Variants in CSTF3 observed in about 807,000 individuals in gnomAD.
CSTF3 encodes the protein CF-1 77 kDa subunit.
Under a neutral mutation model 105.8 loss-of-function variants are expected in CSTF3, and 29 were observed. That is an observed-to-expected ratio of 0.27 (90% CI 0.20 to 0.37). CSTF3 has a LOEUF of 0.37. CSTF3 is among the 10% of genes least tolerant of loss of function. CSTF3 has a pLI of 1.00. For missense variants in CSTF3, 357 were observed against 879.3 expected (o/e 0.41, Z 7.51); for synonymous variants, 252 against 281.9 (o/e 0.89, Z 1.06).
chr11:33,091,277 G>A (rs1052074928), intron 16 of CSTF3, among the ~76,000 whole-genome samples: 4 of 152,166 alleles, frequency 2.6e-5, no homozygotes, highest in Non-Finnish European at 4.4e-5. Context: ...AAAAACTGGT[G>A]CCTCATCGTT....
chr11:33,133,300 G>A (rs923108670), intron 3 of CSTF3, among the ~76,000 whole-genome samples: 1 of 152,122 alleles, frequency 6.6e-6, no homozygotes, highest in African/African-American at 2.4e-5. Context: ...AAATGGAGTG[G>A]ACAGTTGTTA....
chr11:33,122,149 T>C (rs1011882170), intron 3 of CSTF3, among the ~76,000 whole-genome samples: 4 of 152,234 alleles, frequency 2.6e-5, no homozygotes, highest in Non-Finnish European at 5.9e-5. Flanking sequence ...CATTGTTGGA[T>C]AGCAAAGTGT....
intron 8 of CSTF3, among the ~76,000 whole-genome samples, chr11:33,103,842 T>A (rs956881885): frequency 1.4e-4 from 21 of 152,162 alleles, no homozygotes; most frequent in Non-Finnish European, 2.8e-4. Flanking sequence ...CCTTTTCTTT[T>A]TCTTTTTTAT....
chr11:33,094,562 A>G (rs1855199675), intron 15 of CSTF3, among the ~76,000 whole-genome samples: 1 of 152,186 alleles, frequency 6.6e-6, no homozygotes, highest in African/African-American at 2.4e-5. Flanking sequence ...CTTTTAAAAA[A>G]ATAAAAATAC....
chr11:33,091,970 C>T (rs968832758), intron 16 of CSTF3, among the ~76,000 whole-genome samples: 2 of 152,160 alleles, frequency 1.3e-5, no homozygotes, highest in Non-Finnish European at 2.9e-5. Context: ...CCACCTTGGC[C>T]TCCCAAAATG....
chr11:33,097,291 CACT>C (rs946903453), intron 13 of CSTF3, among the ~76,000 whole-genome samples: 1 of 152,126 alleles, frequency 6.6e-6, no homozygotes, highest in African/African-American at 2.4e-5. Context: ...AAAAGTGTGA[CACT>C]ACTAGAACAT....
intron 3 of CSTF3, among the ~76,000 whole-genome samples, chr11:33,124,520 T>C: frequency 6.7e-6 from 1 of 150,096 alleles, no homozygotes; most frequent in South Asian, 2.1e-4. Flanking sequence ...ATAATAAACA[T>C]AAAAATAAAA....
At chr11:33,136,778 G>A (rs573880497) in intron 3 of CSTF3, among the ~76,000 whole-genome samples, 12 of 151,942 alleles carry the variant, frequency 7.9e-5, no homozygotes, top group African/African-American at 2.7e-4. Context: ...ACGTTGCAGC[G>A]TATCTTTAAT....
At chr11:33,087,400 T>C (rs1240839353) in intron 17 of CSTF3, among the ~76,000 whole-genome samples, 3 of 152,170 alleles carry the variant, frequency 2.0e-5, no homozygotes, top group Non-Finnish European at 2.9e-5. Flanking sequence ...GGCAGGACAT[T>C]TGTAGGACAG....
At chr11:33,131,836 A>G (rs1243817289) in intron 3 of CSTF3, among the ~76,000 whole-genome samples, 1 of 152,202 alleles carries the variant, frequency 6.6e-6, no homozygotes, top group African/African-American at 2.4e-5. Context: ...TGGGCTACAG[A>G]GACTCCGTCT....
chr11:33,107,281 G>A (rs577081358), intron 5 of CSTF3, among the ~76,000 whole-genome samples: 2 of 152,238 alleles, frequency 1.3e-5, no homozygotes, highest in East Asian at 3.9e-4. Flanking sequence ...TTGTGCCACT[G>A]CACTCCAGCC....
chr11:33,128,058 T>C (rs1855561749), intron 3 of CSTF3, among the ~76,000 whole-genome samples: 1 of 152,174 alleles, frequency 6.6e-6, no homozygotes, highest in South Asian at 2.1e-4. Flanking sequence ...TGTATGTCAT[T>C]GGATAAGCTA....
intron 3 of CSTF3, among the ~76,000 whole-genome samples, chr11:33,113,383 G>A (rs1223397226): frequency 6.6e-6 from 1 of 152,030 alleles, no homozygotes; most frequent in Non-Finnish European, 1.5e-5. Flanking sequence ...AGGTGTGGTG[G>A]CATATGCCTG....
chr11:33,122,263 T>G (rs552509072), intron 3 of CSTF3, among the ~76,000 whole-genome samples: 1 of 152,326 alleles, frequency 6.6e-6, no homozygotes, highest in Non-Finnish European at 1.5e-5. Flanking sequence ...TCCTTATATA[T>G]AAACTCACTT....
At chr11:33,157,628 T>C (rs1274334872) in intron 1 of CSTF3, among the ~76,000 whole-genome samples, 1 of 152,190 alleles carries the variant, frequency 6.6e-6, no homozygotes. Context: ...TGATTTTGCT[T>C]GTCTGCAATA....
intron 1 of CSTF3, among the ~76,000 whole-genome samples, chr11:33,157,682 A>G (rs975953505): frequency 6.6e-6 from 1 of 152,232 alleles, no homozygotes; most frequent in South Asian, 2.1e-4. Flanking sequence ...CTTAGCACCA[A>G]GAGAAAAATG....
chr11:33,157,086 C>T (rs1418063205), intron 1 of CSTF3, among the ~76,000 whole-genome samples: 1 of 151,930 alleles, frequency 6.6e-6, no homozygotes, highest in Admixed American at 6.6e-5. Flanking sequence ...GGCGCAGTGG[C>T]TCACGCCTGT....
At position 33,084,983 on chromosome 11, in the gene CSTF3, C is replaced by CT. The variant is rs773877462; in HGVS notation, c.*103dup. ...GATAGAGGCACCAATGACAATACAA[C>CT]TTTGTTTCCAAGAACCTTGTAACAA... is the stretch of plus-strand genomic sequence containing the variant. On this transcript the variant is annotated 3_prime_UTR_variant, in exon 21 of 21. Coordinates refer to ENST00000323959, the MANE Select transcript of CSTF3 (RefSeq NM_001326.3). 3.2e-6 allele frequency: 4 copies of CT among 1,267,286 alleles called. No homozygotes were observed. The East Asian group carries it at 7.1e-5, about 22-fold the overall frequency. The allele number at this position is 1,267,286 out of a possible 1,614,324, so 78.5% of individuals were successfully genotyped here. A position where few individuals can be genotyped will look rare whatever the true frequency, so the allele number is the denominator to read the frequency against.
At chr11:33,137,673 TTGAG>T (rs1855669620) in intron 3 of CSTF3, among the ~76,000 whole-genome samples, 1 of 151,798 alleles carries the variant, frequency 6.6e-6, no homozygotes, top group Non-Finnish European at 1.5e-5. Context: ...AAAAAGCATA[TTGAG>T]TTTTAAAGTA....
Sources: gnomAD v4.1 joint callset for allele counts (sites outside exome capture counted in the v4.1 genomes callset) on GRCh38, gnomAD v4.1.1 for gene constraint, MANE v1.5 for transcripts, NCBI Gene and HGNC (gene_info 2026-07-23, HGNC 2026-07-21) for gene names.